Variants in ARAP2 observed in about 807,000 individuals in gnomAD.
The protein encoded by ARAP2 is arf-GAP with Rho-GAP domain, ANK repeat and PH domain-containing protein 2.
ARAP2 carries 148 observed loss-of-function variants against 194.5 expected under a neutral mutation model. The observed-to-expected ratio is 0.76, with a 90% confidence interval of 0.67 to 0.87. ARAP2 has a LOEUF of 0.87. Ranked by LOEUF, ARAP2 falls within the 40% of genes least tolerant of loss-of-function variation. The probability of loss-of-function intolerance (pLI) is 0.00; values close to 1 mark genes in which losing one functional copy is unlikely to be tolerated. For missense variants in ARAP2, 2,128 were observed against 1,989.7 expected (o/e 1.07, Z -1.32); for synonymous variants, 695 against 683.5 (o/e 1.02, Z -0.26).
At chr4:36,107,865 T>G (rs1045751677) in intron 26 of ARAP2, among the ~76,000 whole-genome samples, 172 bp from the exon 27 acceptor site, 2 of 151,932 alleles carry the variant, frequency 1.3e-5, no homozygotes, top group Non-Finnish European at 2.9e-5. Flanking sequence ...GTAAAAGATA[T>G]CCTAAGACCT....
chr4:36,044,245 G>T (rs1721434083), intron 5 of ARAP2, among the ~76,000 whole-genome samples: 1 of 152,146 alleles, frequency 6.6e-6, no homozygotes, highest in African/African-American at 2.4e-5. Context: ...CAAACTAGAG[G>T]CCATTCATGA....
At chr4:36,242,765 C>A (rs1753762774) in intron 1 of ARAP2, among the ~76,000 whole-genome samples, 1 of 152,176 alleles carries the variant, frequency 6.6e-6, no homozygotes, top group Non-Finnish European at 1.5e-5. Context: ...GACAGGTTTA[C>A]AGACGAAGGA....
At chr4:36,014,613 T>A (rs1357382620) in intron 8 of ARAP2, among the ~76,000 whole-genome samples, 1 of 152,142 alleles carries the variant, frequency 6.6e-6, no homozygotes, top group Admixed American at 6.5e-5. Context: ...TTCAATAGCT[T>A]TTCTATACGT....
intron 2 of ARAP2, among the ~76,000 whole-genome samples, chr4:36,057,340 T>A (rs1242350858): frequency 6.6e-6 from 1 of 151,756 alleles, no homozygotes; most frequent in Admixed American, 6.6e-5. Flanking sequence ...CAATGTAATT[T>A]TGTGTAGGTT....
intron 8 of ARAP2, among the ~76,000 whole-genome samples, chr4:36,014,358 G>GAA (rs1478262805): frequency 1.4e-5 from 2 of 140,332 alleles, no homozygotes; most frequent in African/African-American, 6.3e-5. Context: ...AAGAAAGAAA[G>GAA]AAAGAAAGAA....
At chr4:36,049,786 A>G (rs925954925) in intron 3 of ARAP2, among the ~76,000 whole-genome samples, 4 of 152,186 alleles carry the variant, frequency 2.6e-5, no homozygotes, top group Non-Finnish European at 4.4e-5. Context: ...GCCAATAAAC[A>G]TGGAGTATAA....
rs1221343245 is a variant in ARAP2 at position 36,075,575 on chromosome 4, C to T, written c.4609-1752G>A. On this transcript the variant is annotated intron_variant, in intron 31 of 32. Coordinates refer to ENST00000303965, the MANE Select transcript of ARAP2 (RefSeq NM_015230.4). ...AACTATTCTTTTCACTCCTTGAGACCTCCAATCCACCACCACTCTTCTCAC... is the reference window on the plus strand; with the variant it reads ...AACTATTCTTTTCACTCCTTGAGACTTCCAATCCACCACCACTCTTCTCAC... 2.6e-5 allele frequency among the ~76,000 whole-genome samples: 4 copies of T among 152,170 alleles called. No homozygotes were observed. The South Asian group carries it at 8.3e-4, about 32-fold the overall frequency.
rs1725891504 is a variant in ARAP2 at position 36,133,367 on chromosome 4, T to C, written c.3286A>G (p.Thr1096Ala). 6.2e-7 allele frequency: 1 copy of C among 1,610,962 alleles called. No homozygotes were observed. The highest frequency in any genetic ancestry group is 8.5e-7 in the Non-Finnish European group (1 of 1,178,018). The part of the protein sequence containing the change: ...KGRTLYIHGH[T>A]KLDFTVWHTA... The stretch of plus-strand genomic sequence containing the variant: ...TGCCAGACTGTGAAATCCAACTTGG[T>C]ATGCCCATGGATGTATAATGTTCTG... Residue 1096 changes from threonine (T) to alanine (A), a missense_variant, in exon 20 of 33, where the codon ACC (threonine) becomes GCC (alanine). Physicochemically the swap from Thr to Ala is moderately conservative, Grantham distance 58. Transcript: ENST00000303965.
intron 1 of ARAP2, among the ~76,000 whole-genome samples, chr4:36,239,085 G>A (rs1258079882): frequency 6.6e-6 from 1 of 152,110 alleles, no homozygotes; most frequent in Non-Finnish European, 1.5e-5. Context: ...AGACCAGCCT[G>A]GCCAACATGG....
chr4:36,032,288 G>A (rs570508045), intron 5 of ARAP2, among the ~76,000 whole-genome samples: 5 of 152,294 alleles, frequency 3.3e-5, no homozygotes, highest in South Asian at 2.1e-4. Flanking sequence ...AGAGATTCTC[G>A]CTAAAGACAG....
chr4:36,174,701 C>G (rs1199356114), intron 9 of ARAP2, among the ~76,000 whole-genome samples: 1 of 152,124 alleles, frequency 6.6e-6, no homozygotes, highest in Non-Finnish European at 1.5e-5. Flanking sequence ...TAACAAGCAA[C>G]CTAAGTAATG....
intron 15 of ARAP2, among the ~76,000 whole-genome samples, chr4:36,155,029 T>C (rs183658759): frequency 1.3e-5 from 2 of 152,360 alleles, no homozygotes; most frequent in Non-Finnish European, 2.9e-5. Context: ...GCACAAGATA[T>C]GCTTTGTGCC....
At chr4:36,074,897 G>A (rs1727885448) in intron 31 of ARAP2, among the ~76,000 whole-genome samples, 1 of 152,008 alleles carries the variant, frequency 6.6e-6, no homozygotes, top group African/African-American at 2.4e-5. Context: ...GTTTATCAAT[G>A]TACATATAAT....
Position 36,009,883 on chromosome 4 carries a change from C to CG in ARAP2, n.1325+2679dup, listed in dbSNP as rs201207844. The stretch of plus-strand genomic sequence containing the variant: ...TTCAGAAGCTCCTTGTTTTTTTTGG[C>CG]GGGGGGTAGGGGGGTGGAATCATCA... On this transcript the variant is annotated intron_variant and non_coding_transcript_variant, in intron 9 of 12. Coordinates refer to the ARAP2 transcript ENST00000503225. Among the ~76,000 whole-genome samples, 78 of 134,900 alleles carry CG rather than the reference C, an allele frequency of 5.8e-4. 2 individuals are homozygous for CG. Among genetic ancestry groups the CG allele is most frequent in the Admixed American group, 5.6e-3 (71 of 12,706 alleles). The allele number at this position is 134,900 out of a possible 152,430, so 88.5% of individuals were successfully genotyped here. A position where few individuals can be genotyped will look rare whatever the true frequency, so the allele number is the denominator to read the frequency against.
intron 27 of ARAP2, among the ~76,000 whole-genome samples, chr4:36,100,483 A>G (rs1296632527): frequency 6.6e-6 from 1 of 151,616 alleles, no homozygotes; most frequent in Non-Finnish European, 1.5e-5. Context: ...ATGAGAAGCA[A>G]CTCCCTTGAA....
intron 10 of ARAP2, 88 bp from the exon 11 acceptor site, chr4:36,165,201 CAAATT>C: frequency 7.9e-7 from 1 of 1,270,818 alleles, no homozygotes; most frequent in Non-Finnish European, 1.1e-6. Context: ...ATTTCACTCA[CAAATT>C]AAACAACAGC....
chr4:36,084,672 C>T (rs60333337), intron 28 of ARAP2, among the ~76,000 whole-genome samples: 1,988 of 151,996 alleles, frequency 0.013, 47 homozygotes, highest in African/African-American at 0.045. Flanking sequence ...AAAATATGCT[C>T]ATAAAATTAA....
rs538913201 is a variant in ARAP2, at chr4:36,244,492, C to T, written c.-473G>A. The T allele has an allele frequency of 6.8e-4, 103 of 151,286 alleles. No homozygotes were observed. Among genetic ancestry groups the T allele is most frequent in the African/African-American group, 2.4e-3 (99 of 41,412 alleles). The allele number at this position is 151,286 out of a possible 1,614,324, so 9.4% of individuals were successfully genotyped here. On this transcript the variant is annotated 5_prime_UTR_variant, in exon 1 of 33. Transcript: ENST00000303965. ...GCGCCTTGCTCAGGTGCTCCCGCGC[C>T]TCGCCTCGGCCGCCGCTTCCTCTCC...
intron 13 of ARAP2, chr4:36,160,024 A>G: frequency 2.2e-6 from 2 of 915,636 alleles, no homozygotes; most frequent in Non-Finnish European, 2.6e-6. Context: ...AACAGTGAGA[A>G]GGCGGCAATA....
Sources: allele counts gnomAD v4.1 joint callset (sites outside exome capture counted in the v4.1 genomes callset), GRCh38; gene constraint gnomAD v4.1.1; transcripts MANE v1.5; gene names NCBI Gene and HGNC (gene_info 2026-07-23, HGNC 2026-07-21).